Variants in GRM7 observed in about 807,000 individuals in gnomAD.
GRM7 encodes the protein metabotropic glutamate receptor 7.
In GRM7, 35 loss-of-function variants were observed where a neutral mutation model predicts 84.5. The ratio of observed to expected loss-of-function variants is 0.41; its 90% CI spans 0.32 to 0.55. The LOEUF (loss-of-function observed/expected upper bound fraction) is 0.55. Among genes scored for constraint, GRM7 ranks in the 20% least tolerant of loss-of-function variants. The pLI, the probability that GRM7 is intolerant of heterozygous loss-of-function variation, is 0.19. For missense variants in GRM7, 1,003 were observed against 1,194.6 expected, an observed-to-expected ratio of 0.84 and a Z score of 2.36; for synonymous variants, 487 against 455.1, an observed-to-expected ratio of 1.07 and a Z score of -0.89.
At chr3:7,589,493 A>G (rs1040066486) in intron 8 of GRM7, among the ~76,000 whole-genome samples, 2 of 152,182 alleles carry the variant, frequency 1.3e-5, no homozygotes, top group Non-Finnish European at 2.9e-5. Flanking sequence ...AAGATGCTTC[A>G]TTGTTGACAA....
At chr3:7,320,815 C>A (rs1277938419) in intron 4 of GRM7, among the ~76,000 whole-genome samples, 2 of 151,334 alleles carry the variant, frequency 1.3e-5, no homozygotes, top group Non-Finnish European at 2.9e-5. Flanking sequence ...TTCCATTGTG[C>A]AAATATACCG....
chr3:6,897,858 A>G (rs1696240694), intron 1 of GRM7, among the ~76,000 whole-genome samples: 1 of 152,114 alleles, frequency 6.6e-6, no homozygotes, highest in Admixed American at 6.5e-5. Context: ...CACTTTTATC[A>G]CTCTTGGTCT....
intron 7 of GRM7, among the ~76,000 whole-genome samples, chr3:7,473,554 A>G (rs1184926220): frequency 6.9e-6 from 1 of 145,558 alleles, no homozygotes. Context: ...GAGTTTTTGT[A>G]ACATCTCAGA....
At chr3:7,427,722 C>A (rs1450096) in intron 5 of GRM7, among the ~76,000 whole-genome samples, 58,853 of 151,870 alleles carry the variant, frequency 0.39, 11,928 homozygotes, top group Non-Finnish European at 0.45. Context: ...AAAGGTAAAA[C>A]CCCAATTGAT....
chr3:7,024,507 C>T (rs1218569279), intron 1 of GRM7, among the ~76,000 whole-genome samples: 2 of 152,194 alleles, frequency 1.3e-5, no homozygotes, highest in African/African-American at 4.8e-5. Flanking sequence ...TGAACTGGGC[C>T]TTGAAGAGCA....
intron 9 of GRM7, among the ~76,000 whole-genome samples, chr3:7,710,967 G>A (rs759591332): frequency 5.3e-5 from 8 of 152,122 alleles, no homozygotes; most frequent in Admixed American, 2.0e-4. Flanking sequence ...GATCTTAACT[G>A]CCTAAGACAG....
intron 7 of GRM7, among the ~76,000 whole-genome samples, chr3:7,534,613 C>T (rs760107762): frequency 1.3e-5 from 2 of 152,034 alleles, no homozygotes; most frequent in East Asian, 1.9e-4. Context: ...TTAAAAAGTC[C>T]CTTTAAAGTG....
intron 1 of GRM7, among the ~76,000 whole-genome samples, chr3:7,046,945 A>G (rs1466007770): frequency 6.6e-6 from 1 of 152,062 alleles, no homozygotes; most frequent in African/African-American, 2.4e-5. Flanking sequence ...AATAAAGAGT[A>G]AATGAAGGAT....
rs116755989 is a variant in GRM7, at chr3:7,450,872, A to G, written c.1175-1735A>G. On this transcript the variant is annotated intron_variant, in intron 5 of 9. Transcript: ENST00000357716. Reference sequence around the variant, plus strand: ...GGTGCTCTGAAATGGAAAAATACAAATTCAAGTAAATTTGGGAAATTCTGA... The same window carrying G: ...GGTGCTCTGAAATGGAAAAATACAAGTTCAAGTAAATTTGGGAAATTCTGA... Among the ~76,000 whole-genome samples, 796 of 152,244 alleles carry G rather than the reference A, an allele frequency of 5.2e-3. 6 individuals are homozygous for G. Among genetic ancestry groups the G allele is most frequent in the African/African-American group, 0.017 (727 of 41,552 alleles).
At chr3:7,713,098 G>A (rs1701637033) in intron 9 of GRM7, among the ~76,000 whole-genome samples, 1 of 145,262 alleles carries the variant, frequency 6.9e-6, no homozygotes, top group South Asian at 2.2e-4. Flanking sequence ...CATATTCACA[G>A]ATAGAGAGGA....
intron 1 of GRM7, among the ~76,000 whole-genome samples, chr3:7,114,242 C>T (rs1239003891): frequency 6.6e-6 from 1 of 152,152 alleles, no homozygotes; most frequent in African/African-American, 2.4e-5. Context: ...TGTCAGGCTA[C>T]TTAACATTGT....
intron 1 of GRM7, among the ~76,000 whole-genome samples, chr3:6,964,397 A>G (rs62235454): frequency 0.3 from 45,411 of 151,912 alleles, 7,272 homozygotes; most frequent in Middle Eastern, 0.39. Flanking sequence ...TTATGAGGGC[A>G]CTAATCCCAT....
intron 1 of GRM7, among the ~76,000 whole-genome samples, chr3:7,000,317 G>A (rs1694965995): frequency 6.6e-6 from 1 of 151,704 alleles, no homozygotes; most frequent in African/African-American, 2.4e-5. Flanking sequence ...GATTACAGGT[G>A]CCTGCAATTG....
intron 7 of GRM7, among the ~76,000 whole-genome samples, chr3:7,550,205 A>G (rs1189379821): frequency 6.6e-6 from 1 of 151,558 alleles, no homozygotes; most frequent in African/African-American, 2.4e-5. Context: ...AAAAAAACCT[A>G]AAAGGTAGAA....
At chr3:7,485,350 A>G (rs796128046) in intron 7 of GRM7, among the ~76,000 whole-genome samples, 5 of 152,286 alleles carry the variant, frequency 3.3e-5, no homozygotes, top group African/African-American at 1.2e-4. Context: ...AATGTTCCTT[A>G]AGGAGTTTCT....
intron 2 of GRM7, among the ~76,000 whole-genome samples, chr3:7,191,734 T>C (rs990612103): frequency 2.3e-4 from 35 of 151,454 alleles, no homozygotes; most frequent in African/African-American, 7.8e-4. Context: ...CAGAAGTTAC[T>C]GATCAAGGGT....
intron 1 of GRM7, among the ~76,000 whole-genome samples, chr3:6,958,830 G>T (rs1337937888): frequency 2.0e-5 from 3 of 152,074 alleles, no homozygotes; most frequent in Admixed American, 6.5e-5. Context: ...CAGGTACCAA[G>T]TTTCTCATAC....
chr3:7,324,850 A>G (rs1318650587), intron 4 of GRM7, among the ~76,000 whole-genome samples: 1 of 152,106 alleles, frequency 6.6e-6, no homozygotes, highest in Non-Finnish European at 1.5e-5. Flanking sequence ...ATCCAGCTTT[A>G]TAGTCTGGCC....
chr3:7,301,617 CTG>C (rs1559218244), intron 3 of GRM7, among the ~76,000 whole-genome samples: 2 of 152,110 alleles, frequency 1.3e-5, no homozygotes, highest in African/African-American at 4.8e-5. Flanking sequence ...TGGATGTAAA[CTG>C]TATTCAATAA....
Sources: gnomAD v4.1 joint callset for allele counts (sites outside exome capture counted in the v4.1 genomes callset) on GRCh38, gnomAD v4.1.1 for gene constraint, MANE v1.5 for transcripts, NCBI Gene and HGNC (gene_info 2026-07-23, HGNC 2026-07-21) for gene names.